Variants in UGT1A7 observed in about 807,000 individuals in gnomAD.
The protein encoded by UGT1A7 is UDP glucuronosyltransferase family 1 member A7.
In UGT1A7, 33 loss-of-function variants were observed where a neutral mutation model predicts 45.6. The observed-to-expected ratio is 0.72, with a 90% confidence interval of 0.55 to 0.97. The LOEUF (loss-of-function observed/expected upper bound fraction) is 0.97. Ranked by LOEUF, UGT1A7 falls within the 50% of genes least tolerant of loss-of-function variation. The pLI is 0.00. For synonymous variants in UGT1A7, 274 were observed against 250.6 expected, an observed-to-expected ratio of 1.09 and a Z score of -0.88; for missense variants, 684 against 666.2, an observed-to-expected ratio of 1.03 and a Z score of -0.29.
In UGT1A7 at chr2:233,693,644, G is replaced by T. The variant is rs775312118; in HGVS notation, c.855+10852G>T. On this transcript the variant is annotated intron_variant, in intron 1 of 4. Coordinates refer to ENST00000373426, the MANE Select transcript of UGT1A7 (RefSeq NM_019077.3). The stretch of plus-strand genomic sequence containing the variant: ...TTCCCAACGAGTGGCCAACTTCCTT[G>T]TTAATTTGTTGGAGCCCTATCTATT... The T allele has an allele frequency of 1.4e-5, 22 of 1,614,158 alleles. No homozygotes were observed. The South Asian group carries it at 2.1e-4, about 15-fold the overall frequency.
chr2:233,748,217 A>T, intron 1 of UGT1A7: 1 of 1,473,232 alleles, frequency 6.8e-7, no homozygotes, highest in East Asian at 2.4e-5. Flanking sequence ...CTTCAGTGAG[A>T]TAAACTGTTA....
chr2:233,701,054 A>C (rs1431935742), intron 1 of UGT1A7, among the ~76,000 whole-genome samples: 1 of 152,054 alleles, frequency 6.6e-6, no homozygotes, highest in Non-Finnish European at 1.5e-5. Context: ...TGAACTCATA[A>C]TTTTTTATGG....
In UGT1A7 at chr2:233,768,473, A is replaced by G. The variant is rs1334897468; in HGVS notation, c.1295+34A>G. ...GAAGATACAGAAGAATACTTTGGTC[A>G]TGGCATTCATGATAAAATTGTTTCA... is the stretch of plus-strand genomic sequence containing the variant. On this transcript the variant is annotated intron_variant, in intron 4 of 4. Transcript: ENST00000373426. The G allele has an allele frequency of 3.8e-6, 6 of 1,597,614 alleles. No homozygotes were observed. The African/African-American group carries it at 4.0e-5, about 11-fold the overall frequency.
chr2:233,730,008 C>A (rs1346345319), intron 1 of UGT1A7: 25 of 1,613,892 alleles, frequency 1.5e-5, no homozygotes, highest in Non-Finnish European at 2.1e-5. Context: ...GTATTGGTGC[C>A]TTCATCCAAT....
At chr2:233,747,748 A>G in intron 1 of UGT1A7, 1 of 1,613,310 alleles carries the variant, frequency 6.2e-7, no homozygotes, top group Non-Finnish European at 8.5e-7. Flanking sequence ...ATTCCATGTG[A>G]TTTAGACTTT....
chr2:233,694,012 A>G lies in UGT1A7; in HGVS notation c.855+11220A>G, dbSNP rs370450750. On this transcript the variant is annotated intron_variant, in intron 1 of 4. Coordinates refer to ENST00000373426, the MANE Select transcript of UGT1A7 (RefSeq NM_019077.3). The stretch of plus-strand genomic sequence containing the variant: ...TGATACCCGGCTCGGAGCAGCGGGA[A>G]CACATAGGAGACCTGAGGCTGAAGT... 2.5e-5 allele frequency: 35 copies of G among 1,424,192 alleles called. No homozygotes were observed. The African/African-American group carries it at 5.0e-4, about 20-fold the overall frequency. The allele number at this position is 1,424,192 out of a possible 1,614,324, so 88.2% of individuals were successfully genotyped here. A position where few individuals can be genotyped will look rare whatever the true frequency, so the allele number is the denominator to read the frequency against.
intron 4 of UGT1A7, among the ~76,000 whole-genome samples, chr2:233,771,908 A>G (rs1288111972): frequency 2.6e-5 from 4 of 151,904 alleles, no homozygotes; most frequent in African/African-American, 9.7e-5. Context: ...TTCAGGTGAT[A>G]ATAGTAACAC....
intron 1 of UGT1A7, among the ~76,000 whole-genome samples, chr2:233,764,723 G>A (rs547202766): frequency 1.3e-5 from 2 of 152,270 alleles, no homozygotes; most frequent in African/African-American, 4.8e-5. Flanking sequence ...CAAGAAAGAG[G>A]GAGAGAAAGA....
intron 1 of UGT1A7, among the ~76,000 whole-genome samples, chr2:233,715,257 C>T (rs193085198): frequency 2.7e-4 from 41 of 152,160 alleles, no homozygotes; most frequent in African/African-American, 9.4e-4. Context: ...TTAAAAAATC[C>T]CCTTACATAA....
chr2:233,691,343 G>A lies in UGT1A7; in HGVS notation c.855+8551G>A, dbSNP rs533406499. 17 of 985,508 alleles carry A rather than the reference G, an allele frequency of 1.7e-5. No individual in the cohort carries two copies. In the East Asian group the frequency reaches 7.9e-4, roughly 46 times the overall value. The allele number at this position is 985,508 out of a possible 1,614,324, so 61.0% of individuals were successfully genotyped here. The stretch of plus-strand genomic sequence containing the variant: ...CCAGCTTGGACTGAGCTGAGTCTTC[G>A]CATGCCTTGAACAATGAATTTGCAT... On this transcript the variant is annotated intron_variant, in intron 1 of 4. Coordinates refer to ENST00000373426, the MANE Select transcript of UGT1A7 (RefSeq NM_019077.3).
At position 233,724,416 on chromosome 2, in the gene UGT1A7, G is replaced by A. The variant is rs1457197643; in HGVS notation, c.855+41624G>A. 2.3e-4 allele frequency among the ~76,000 whole-genome samples: 32 copies of A among 137,862 alleles called. 2 individuals are homozygous for A. The highest frequency in any genetic ancestry group is 1.2e-3 in the East Asian group (5 of 4,238). 90.4% of individuals were successfully genotyped at this position (137,862 alleles called of 152,430 possible). A position where few individuals can be genotyped will look rare whatever the true frequency, so the allele number is the denominator to read the frequency against. ...TCACTTCCCAGATGGGGTGGCTGCC[G>A]GGCGGAGAGGCTCCTCACTTCTCAG... On this transcript the variant is annotated intron_variant, in intron 1 of 4. Coordinates refer to ENST00000373426, the MANE Select transcript of UGT1A7 (RefSeq NM_019077.3).
chr2:233,690,773 A>G, intron 1 of UGT1A7: 1 of 1,068,048 alleles, frequency 9.4e-7, no homozygotes, highest in Admixed American at 4.3e-5. Context: ...ACACACACAC[A>G]CATACACACA....
rs28900368 is a variant in UGT1A7 at position 233,741,162 on chromosome 2, T to C, written c.856-25872T>C. ...CATTTATGACAGCACTAATCCAGGA[T>C]ATATCAAAACTGAACTTGTGTTTGC... On this transcript the variant is annotated intron_variant, in intron 1 of 4. Transcript: ENST00000373426. 1.4e-3 allele frequency among the ~76,000 whole-genome samples: 206 copies of C among 152,072 alleles called. 9 individuals are homozygous for C. The highest frequency in any genetic ancestry group is 4.8e-3 in the African/African-American group (198 of 41,316).
rs111739350 is a variant in UGT1A7 at position 233,753,142 on chromosome 2, A to G, written c.856-13892A>G. The G allele has an allele frequency of 8.2e-3, 1,248 of 152,338 alleles. 11 individuals are homozygous for G. The highest frequency in any genetic ancestry group is 0.011 in the Non-Finnish European group (750 of 68,038). The allele number at this position is 152,338 out of a possible 1,614,324, so 9.4% of individuals were successfully genotyped here. On this transcript the variant is annotated intron_variant, in intron 1 of 4. Coordinates refer to ENST00000373426, the MANE Select transcript of UGT1A7 (RefSeq NM_019077.3). ...CAAACTACTCAGTGAGTATCTTCAC[A>G]CATGTAAGTTCCCTTATCCGGATCA...
chr2:233,701,911 A>G (rs2075659701), intron 1 of UGT1A7, among the ~76,000 whole-genome samples: 1 of 152,188 alleles, frequency 6.6e-6, no homozygotes, highest in African/African-American at 2.4e-5. Flanking sequence ...TAAAATTGAC[A>G]CCCTAACATC....
At chr2:233,748,178 G>T (rs1693885819) in intron 1 of UGT1A7, 1 of 1,580,774 alleles carries the variant, frequency 6.3e-7, no homozygotes, top group Non-Finnish European at 8.6e-7. Context: ...TATCTTTCTG[G>T]TGCTTTTATT....
intron 1 of UGT1A7, chr2:233,691,735 C>A: frequency 1.4e-6 from 1 of 734,098 alleles, no homozygotes; most frequent in African/African-American, 1.9e-5. Flanking sequence ...GGGCCAGAAG[C>A]AGATACCAGG....
intron 1 of UGT1A7, chr2:233,755,063 G>A (rs776771090): frequency 2.2e-6 from 3 of 1,334,780 alleles, no homozygotes; most frequent in South Asian, 1.1e-5. Flanking sequence ...CCCTCGCCTC[G>A]CCATAGCGGT....
At chr2:233,758,920 TC>T (rs1167539865) in intron 1 of UGT1A7, among the ~76,000 whole-genome samples, 7 of 152,264 alleles carry the variant, frequency 4.6e-5, no homozygotes, top group African/African-American at 1.7e-4. Flanking sequence ...TGCTCATCTT[TC>T]CCTTTTGACT....
Sources: allele counts gnomAD v4.1 joint callset (sites outside exome capture counted in the v4.1 genomes callset), GRCh38; gene constraint gnomAD v4.1.1; transcripts MANE v1.5; gene names NCBI Gene and HGNC (gene_info 2026-07-23, HGNC 2026-07-21).